Variants in TMEM131 observed in about 807,000 individuals in gnomAD.
The protein encoded by TMEM131 is transmembrane protein 131.
In TMEM131, 66 loss-of-function variants were observed where a neutral mutation model predicts 211.6. The ratio of observed to expected loss-of-function variants is 0.31; its 90% CI spans 0.26 to 0.38. TMEM131 has a LOEUF of 0.38. TMEM131 is among the 10% of genes least tolerant of loss of function. The pLI, the probability that TMEM131 is intolerant of heterozygous loss-of-function variation, is 1.00. For synonymous variants in TMEM131, 844 were observed against 841.3 expected (o/e 1.00, Z -0.06); for missense variants, 2,036 against 2,299.3 (o/e 0.89, Z 2.34).
intron 2 of TMEM131, among the ~76,000 whole-genome samples, chr2:97,909,281 A>C (rs531025530): frequency 7.0e-4 from 107 of 152,258 alleles, no homozygotes; most frequent in African/African-American, 2.3e-3. Flanking sequence ...AGAAAACAGC[A>C]CATGTGAAGG....
intron 1 of TMEM131, among the ~76,000 whole-genome samples, chr2:97,954,806 C>CAA (rs778680522): frequency 0.021 from 737 of 35,284 alleles, 17 homozygotes; most frequent in Middle Eastern, 0.036. Context: ...AACTCCATCT[C>CAA]AAAAAAAAAA....
chr2:97,891,426 T>A (rs1040180816), intron 3 of TMEM131, among the ~76,000 whole-genome samples: 4 of 152,216 alleles, frequency 2.6e-5, no homozygotes, highest in Non-Finnish European at 4.4e-5. Flanking sequence ...TGAGACATTA[T>A]GATAGCATAT....
chr2:97,936,222 T>C lies in TMEM131; in HGVS notation c.188-8735A>G, dbSNP rs145415620. The stretch of plus-strand genomic sequence containing the variant: ...GGTAGATGACAGTTGGGCCAAACAA[T>C]AAGCAGACCCAAAAGTTTAAAAGGA... On this transcript the variant is annotated intron_variant, in intron 1 of 40. Transcript: ENST00000186436. 2.3e-3 allele frequency among the ~76,000 whole-genome samples: 351 copies of C among 152,286 alleles called. 3 individuals are homozygous for C. Among genetic ancestry groups the C allele is most frequent in the African/African-American group, 8.0e-3 (331 of 41,552 alleles).
chr2:97,846,110 G>T (rs565974255), intron 5 of TMEM131, among the ~76,000 whole-genome samples: 78 of 152,302 alleles, frequency 5.1e-4, no homozygotes, highest in African/African-American at 1.8e-3. Flanking sequence ...GAGCTTAAAT[G>T]ATTTCACTCG....
chr2:97,834,995 C>G, intron 8 of TMEM131, 70 bp from the exon 9 acceptor site: 1 of 1,515,016 alleles, frequency 6.6e-7, no homozygotes, highest in Non-Finnish European at 9.0e-7. Context: ...TTTTATTGAA[C>G]TGGATGACAC....
intron 2 of TMEM131, among the ~76,000 whole-genome samples, chr2:97,917,809 C>G (rs1157708458): frequency 1.3e-5 from 2 of 152,164 alleles, no homozygotes; most frequent in East Asian, 3.9e-4. Context: ...CTTCAGTATC[C>G]AGTTTCATCA....
At chr2:97,874,103 C>T (rs797010277) in intron 4 of TMEM131, among the ~76,000 whole-genome samples, 3 of 152,102 alleles carry the variant, frequency 2.0e-5, no homozygotes, top group African/African-American at 7.2e-5. Context: ...CCGAATTGGT[C>T]AAGTGGAAGA....
intron 3 of TMEM131, among the ~76,000 whole-genome samples, chr2:97,894,258 T>C (rs1335268090): frequency 6.6e-6 from 1 of 152,204 alleles, no homozygotes; most frequent in African/African-American, 2.4e-5. Context: ...TTGGTACCAG[T>C]ACCATGCTGT....
intron 1 of TMEM131, among the ~76,000 whole-genome samples, chr2:97,957,073 G>A (rs1678602738): frequency 6.6e-6 from 1 of 150,908 alleles, no homozygotes; most frequent in Non-Finnish European, 1.5e-5. Flanking sequence ...CTCCAGGCTG[G>A]GCGACAGCGT....
At position 97,802,196 on chromosome 2, in the gene TMEM131, T is replaced by C. The variant is rs1681065773; in HGVS notation, c.2651+232A>G. 2.0e-5 allele frequency among the ~76,000 whole-genome samples: 3 copies of C among 152,316 alleles called. No individual in the cohort carries two copies. The South Asian group carries it at 6.2e-4, about 32-fold the overall frequency. On this transcript the variant is annotated intron_variant, in intron 24 of 40. Coordinates refer to ENST00000186436, the MANE Select transcript of TMEM131 (RefSeq NM_015348.2). ...GTTTCATCTACTTTCTCTTTACACA[T>C]TTTTAGAAGGGAGTTCCATATTACT...
intron 6 of TMEM131, among the ~76,000 whole-genome samples, chr2:97,843,217 A>G (rs1351870274): frequency 6.6e-6 from 1 of 152,216 alleles, no homozygotes; most frequent in African/African-American, 2.4e-5. Flanking sequence ...TACTAATAGC[A>G]TGACTTGGGC....
chr2:97,777,180 TTG>T (rs1285604563), intron 31 of TMEM131, among the ~76,000 whole-genome samples: 1 of 152,200 alleles, frequency 6.6e-6, no homozygotes, highest in Admixed American at 6.5e-5. Context: ...GCACCTCAGA[TTG>T]TGCCTGCAAA....
At chr2:97,818,567 A>G (rs1681957399) in intron 12 of TMEM131, 46 bp downstream of exon 12, 1 of 1,279,190 alleles carries the variant, frequency 7.8e-7, no homozygotes, top group African/African-American at 1.5e-5. Context: ...TTTCTAGTTT[A>G]TCAAAATAAC....
chr2:97,856,385 A>G (rs990076328), intron 5 of TMEM131, among the ~76,000 whole-genome samples: 1 of 152,220 alleles, frequency 6.6e-6, no homozygotes, highest in South Asian at 2.1e-4. Context: ...TAGTATTTCT[A>G]TTCTTTTTGA....
chr2:97,877,274 T>C (rs527831280), intron 4 of TMEM131, among the ~76,000 whole-genome samples: 7 of 152,288 alleles, frequency 4.6e-5, no homozygotes, highest in South Asian at 2.1e-4. Context: ...AAAATGGCCA[T>C]ACTGCCCAAA....
intron 3 of TMEM131, among the ~76,000 whole-genome samples, chr2:97,891,463 A>T (rs1342157911): frequency 6.6e-6 from 1 of 152,018 alleles, no homozygotes; most frequent in Non-Finnish European, 1.5e-5. Flanking sequence ...TTCTGCAATG[A>T]TTACACATGT....
chr2:97,859,161 T>C, intron 5 of TMEM131, 143 bp downstream of exon 5: 1 of 843,932 alleles, frequency 1.2e-6, no homozygotes, highest in Non-Finnish European at 1.8e-6. Context: ...GTAGAAGTAA[T>C]CATTCTTAGG....
chr2:97,792,177 C>T (rs1432840512), intron 31 of TMEM131, among the ~76,000 whole-genome samples: 2 of 152,206 alleles, frequency 1.3e-5, no homozygotes, highest in African/African-American at 2.4e-5. Flanking sequence ...TTTTGGTAAA[C>T]AATCTAAGAA....
chr2:97,842,996 A>T (rs990588859), intron 6 of TMEM131, among the ~76,000 whole-genome samples: 4 of 152,048 alleles, frequency 2.6e-5, no homozygotes, highest in Admixed American at 2.6e-4. Context: ...ACTGAAAGGG[A>T]ACACTGACTC....
Sources: allele counts gnomAD v4.1 joint callset (sites outside exome capture counted in the v4.1 genomes callset), GRCh38; gene constraint gnomAD v4.1.1; transcripts MANE v1.5; gene names NCBI Gene and HGNC (gene_info 2026-07-23, HGNC 2026-07-21).